MTHFD2L: variants seen among roughly 807,000 people sequenced by gnomAD.
The protein encoded by MTHFD2L is bifunctional methylenetetrahydrofolate dehydrogenase/cyclohydrolase 2, mitochondrial.
MTHFD2L carries 29 observed loss-of-function variants against 34.9 expected under a neutral mutation model. That is an observed-to-expected ratio of 0.83 (90% CI 0.62 to 1.13). The LOEUF is 1.13. Among genes scored for constraint, MTHFD2L ranks in the 50% most tolerant of loss-of-function variants. MTHFD2L has a pLI of 0.00. For missense variants in MTHFD2L, 481 were observed against 446.5 expected, an observed-to-expected ratio of 1.08 and a Z score of -0.70; for synonymous variants, 167 against 155.7, an observed-to-expected ratio of 1.07 and a Z score of -0.54.
upstream of MTHFD2L, among the ~76,000 whole-genome samples, chr4:74,155,909 TAAAAA>T (rs60044806): frequency 1.4e-5 from 2 of 143,108 alleles, no homozygotes; most frequent in East Asian, 4.0e-4. Context: ...CCATGTGATT[TAAAAA>T]AAAAAAAAAA....
intron 5 of MTHFD2L, among the ~76,000 whole-genome samples, chr4:74,216,113 T>G (rs1053134944): frequency 5.9e-5 from 9 of 151,892 alleles, no homozygotes; most frequent in Non-Finnish European, 1.5e-5. Flanking sequence ...TAAAATAAAT[T>G]GAATAATATT....
At chr4:74,193,490 T>C (rs918546413) in intron 3 of MTHFD2L, among the ~76,000 whole-genome samples, 6 of 152,188 alleles carry the variant, frequency 3.9e-5, no homozygotes, top group Non-Finnish European at 7.4e-5. Flanking sequence ...AGGATTATGA[T>C]TGAGATGATT....
chr4:74,203,331 TTC>T (rs201048985), intron 5 of MTHFD2L, among the ~76,000 whole-genome samples: 3 of 151,946 alleles, frequency 2.0e-5, no homozygotes, highest in Non-Finnish European at 2.9e-5. Flanking sequence ...GCTTATCTCT[TTC>T]TCTCTCTCTC....
In MTHFD2L at chr4:74,239,139, G is replaced by A. The variant is rs62312511; in HGVS notation, c.805+13745G>A. On this transcript the variant is annotated intron_variant, in intron 6 of 7. Coordinates refer to ENST00000325278, the MANE Select transcript of MTHFD2L (RefSeq NM_001144978.3). ...AGAAAATGTGGCACATATACACCAT[G>A]GAATACTATGCAGCCACAGAAAAGG... Among the ~76,000 whole-genome samples, 762 of 152,258 alleles carry A rather than the reference G, an allele frequency of 5.0e-3. 1 individual carries two copies. Among genetic ancestry groups the A allele is most frequent in the Non-Finnish European group, 6.9e-3 (471 of 68,022 alleles).
At chr4:74,158,022 T>G (rs888607452), upstream of MTHFD2L, 24 of 1,448,930 alleles carry the variant, frequency 1.7e-5, no homozygotes, top group Non-Finnish European at 2.2e-5. Context: ...GGAACCTGGC[T>G]GGGAAGCGCT....
chr4:74,200,445 A>C (rs1012391551), intron 4 of MTHFD2L, among the ~76,000 whole-genome samples: 1 of 152,220 alleles, frequency 6.6e-6, no homozygotes, highest in Non-Finnish European at 1.5e-5. Context: ...GTAGTGGTAT[A>C]TGTCGGCCTT....
At chr4:74,202,844 C>A (rs1734674199) in intron 5 of MTHFD2L, among the ~76,000 whole-genome samples, 1 of 152,138 alleles carries the variant, frequency 6.6e-6, no homozygotes, top group African/African-American at 2.4e-5. Flanking sequence ...TGATAGACAC[C>A]TATGTGCTCA....
intron 4 of MTHFD2L, among the ~76,000 whole-genome samples, chr4:74,200,413 T>C (rs1056653807): frequency 6.6e-5 from 10 of 152,178 alleles, no homozygotes; most frequent in African/African-American, 1.2e-4. Flanking sequence ...TTGCAACTTA[T>C]AGGAAGTGAA....
chr4:74,266,056 C>T (rs1745247405), intron 6 of MTHFD2L, among the ~76,000 whole-genome samples: 1 of 152,074 alleles, frequency 6.6e-6, no homozygotes, highest in Admixed American at 6.6e-5. Context: ...ATTTGATAAC[C>T]AATGATTCAG....
At chr4:74,202,381 A>ACTGAT (rs1340307510) in intron 5 of MTHFD2L, among the ~76,000 whole-genome samples, 2 of 152,200 alleles carry the variant, frequency 1.3e-5, no homozygotes, top group Non-Finnish European at 2.9e-5. Context: ...CTGCCTTCAG[A>ACTGAT]CTGATTTATT....
intron 6 of MTHFD2L, among the ~76,000 whole-genome samples, chr4:74,240,774 A>G (rs113953975): frequency 0.021 from 3,265 of 152,278 alleles, 52 homozygotes; most frequent in Non-Finnish European, 0.034. Flanking sequence ...ACCCATTTCC[A>G]ATCACTGGCA....
At chr4:74,148,563 T>G (rs866824401) in intron 1 of MTHFD2L, among the ~76,000 whole-genome samples, 10 of 152,020 alleles carry the variant, frequency 6.6e-5, no homozygotes, top group Middle Eastern at 3.4e-3. Flanking sequence ...AATTTTTGTA[T>G]TTTTTGTAGA....
intron 6 of MTHFD2L, among the ~76,000 whole-genome samples, chr4:74,225,796 A>T (rs1739058538): frequency 6.6e-6 from 1 of 152,160 alleles, no homozygotes. Context: ...AAAGATAGTC[A>T]CTATGCTGCC....
intron 3 of MTHFD2L, among the ~76,000 whole-genome samples, chr4:74,191,926 T>A (rs1001453479): frequency 2.0e-5 from 3 of 152,126 alleles, no homozygotes; most frequent in African/African-American, 7.2e-5. Context: ...TATGGCAGCC[T>A]GTTCTTCTTA....
rs1428844454 is a variant in MTHFD2L at position 74,301,554 on chromosome 4, T to TGC, written c.932-142_932-141insCG. 9.2e-5 allele frequency: 49 copies of TGC among 534,528 alleles called. No individual in the cohort carries two copies. The Admixed American group carries it at 1.4e-3, about 15-fold the overall frequency. 33.1% of individuals were successfully genotyped at this position (534,528 alleles called of 1,614,324 possible). A position where few individuals can be genotyped will look rare whatever the true frequency, so the allele number is the denominator to read the frequency against. ...GAGCGTGTGTGTGTGTGTGTGTGTG[T>TGC]GTGTCTGTTTATTACAGCCTACTTG... On this transcript the variant is annotated intron_variant, in intron 7 of 7. Coordinates refer to ENST00000325278, the MANE Select transcript of MTHFD2L (RefSeq NM_001144978.3).
At chr4:74,195,239 T>G (rs1398944817) in intron 3 of MTHFD2L, 1 of 152,224 alleles carries the variant, frequency 6.6e-6, no homozygotes, top group Non-Finnish European at 1.5e-5. Flanking sequence ...GTAAAAATCA[T>G]GTAGAGCCTT....
At chr4:74,215,608 G>A (rs984807970) in intron 5 of MTHFD2L, among the ~76,000 whole-genome samples, 1 of 151,696 alleles carries the variant, frequency 6.6e-6, no homozygotes, top group Admixed American at 6.6e-5. Flanking sequence ...CATTGATCTC[G>A]CTGGGAGCTG....
chr4:74,250,760 C>T (rs1743190563), intron 6 of MTHFD2L, among the ~76,000 whole-genome samples: 1 of 152,068 alleles, frequency 6.6e-6, no homozygotes, highest in Non-Finnish European at 1.5e-5. Context: ...TTGCTTCAAC[C>T]CCTTCATAAC....
At chr4:74,276,236 T>C (rs947909556) in intron 6 of MTHFD2L, among the ~76,000 whole-genome samples, 1 of 152,172 alleles carries the variant, frequency 6.6e-6, no homozygotes, top group Admixed American at 6.6e-5. Context: ...TGAGTTTTTC[T>C]TAAGTTCATG....
Sources: gnomAD v4.1 joint callset for allele counts (sites outside exome capture counted in the v4.1 genomes callset) on GRCh38, gnomAD v4.1.1 for gene constraint, MANE v1.5 for transcripts, NCBI Gene and HGNC (gene_info 2026-07-23, HGNC 2026-07-21) for gene names.